Variants in IMMT observed in about 807,000 individuals in gnomAD.
IMMT encodes the protein inner membrane mitochondrial protein.
Under a neutral mutation model 92.7 loss-of-function variants are expected in IMMT, and 40 were observed. That is an observed-to-expected ratio of 0.43 (90% CI 0.34 to 0.56). The LOEUF (loss-of-function observed/expected upper bound fraction) is 0.56, where lower values mean the gene tolerates loss of function less well. Ranked by LOEUF, IMMT falls within the 20% of genes least tolerant of loss-of-function variation. IMMT has a pLI of 0.03. For missense variants in IMMT, 831 were observed against 912.1 expected (o/e 0.91, Z 1.14); for synonymous variants, 322 against 336.1 (o/e 0.96, Z 0.46).
chr2:86,156,746 C>T (rs1467137492), intron 10 of IMMT, among the ~76,000 whole-genome samples: 3 of 152,074 alleles, frequency 2.0e-5, no homozygotes, highest in Non-Finnish European at 2.9e-5. Flanking sequence ...AGGGTTGATG[C>T]TCGTATCTAA....
chr2:86,169,689 A>G (rs1421578479), intron 6 of IMMT, among the ~76,000 whole-genome samples: 2 of 152,040 alleles, frequency 1.3e-5, no homozygotes, highest in Admixed American at 1.3e-4. Flanking sequence ...AATATCTATT[A>G]TCTTTTTTAA....
intron 8 of IMMT, among the ~76,000 whole-genome samples, chr2:86,160,370 G>C (rs938855955): frequency 3.3e-5 from 5 of 152,178 alleles, no homozygotes; most frequent in Admixed American, 6.5e-5. Flanking sequence ...ATGAGAGAGA[G>C]CTAAGGCAGG....
chr2:86,150,240 G>A (rs1675366728), intron 12 of IMMT, among the ~76,000 whole-genome samples: 1 of 152,202 alleles, frequency 6.6e-6, no homozygotes, highest in South Asian at 2.1e-4. Context: ...TGAAGCCAAG[G>A]CAGAGGTCAG....
chr2:86,176,773 A>T (rs1365417439), intron 3 of IMMT, among the ~76,000 whole-genome samples: 2 of 152,222 alleles, frequency 1.3e-5, no homozygotes. Flanking sequence ...ATCTACAAAG[A>T]ATGAAATCTG....
intron 12 of IMMT, among the ~76,000 whole-genome samples, chr2:86,148,452 C>T (rs1230485625): frequency 3.4e-5 from 5 of 147,396 alleles, no homozygotes; most frequent in African/African-American, 7.5e-5. Flanking sequence ...ACTAAAAATA[C>T]AAAAAAAAAA....
At chr2:86,187,410 T>C (rs1573947986) in intron 1 of IMMT, among the ~76,000 whole-genome samples, 1 of 152,266 alleles carries the variant, frequency 6.6e-6, no homozygotes, top group East Asian at 1.9e-4. Flanking sequence ...TTCCTTTTTA[T>C]GGCTGAATCT....
At chr2:86,184,002 T>C (rs988710992) in intron 1 of IMMT, among the ~76,000 whole-genome samples, 1 of 152,194 alleles carries the variant, frequency 6.6e-6, no homozygotes, top group African/African-American at 2.4e-5. Flanking sequence ...TTCTTAAAAG[T>C]AAAATTTGCC....
intron 1 of IMMT, among the ~76,000 whole-genome samples, chr2:86,188,530 C>A (rs1304347703): frequency 6.6e-6 from 1 of 151,882 alleles, no homozygotes; most frequent in African/African-American, 2.4e-5. Flanking sequence ...CTCAAGCAAT[C>A]CTCCCACCTC....
intron 11 of IMMT, among the ~76,000 whole-genome samples, chr2:86,153,340 C>CACACA (rs1244774923): frequency 6.8e-6 from 1 of 148,146 alleles, no homozygotes; most frequent in Admixed American, 6.8e-5. Flanking sequence ...CACACACACA[C>CACACA]ACTTCACATC....
In IMMT at chr2:86,144,432, G is replaced by A. The variant is rs773899258; in HGVS notation, c.2113C>T (p.Leu705=). The A allele has an allele frequency of 1.2e-6, 2 of 1,613,976 alleles. No homozygotes were observed. The highest frequency in any genetic ancestry group is 2.2e-5 in the South Asian group (2 of 91,078). The change falls in exon 15 of 15, where the codon CTA becomes TTA. Residue 705 remains leucine, a synonymous_variant. Coordinates refer to ENST00000410111, the MANE Select transcript of IMMT (RefSeq NM_006839.3). The stretch of plus-strand genomic sequence containing the variant: ...AGCTGATTGACAAACTTTGCTGCTA[G>A]CTCCAGATCACCATGCTCAATGCAA... The part of the protein sequence containing the change: ...SYCIEHGDLE[L]AAKFVNQLKG...
At chr2:86,191,969 C>A (rs1201285300) in intron 1 of IMMT, among the ~76,000 whole-genome samples, 2 of 152,024 alleles carry the variant, frequency 1.3e-5, no homozygotes, top group African/African-American at 4.8e-5. Flanking sequence ...CTATGGCTCA[C>A]GCCTGTAATC....
Position 86,144,026 on chromosome 2 carries a change from C to G in IMMT, c.*242G>C. 1 of 569,698 alleles carries G rather than the reference C, an allele frequency of 1.8e-6. No individual in the cohort carries two copies. The highest frequency in any genetic ancestry group is 3.1e-6 in the Non-Finnish European group (1 of 320,652). 35.3% of individuals were successfully genotyped at this position (569,698 alleles called of 1,614,324 possible). On this transcript the variant is annotated 3_prime_UTR_variant, in exon 15 of 15. Coordinates refer to ENST00000410111, the MANE Select transcript of IMMT (RefSeq NM_006839.3). Reference sequence around the variant, plus strand: ...CATTATTTTGATTGGCCTCACAAGCCTCATCAGTAAAACCTGAAAAAACAG... The same window carrying G: ...CATTATTTTGATTGGCCTCACAAGCGTCATCAGTAAAACCTGAAAAAACAG...
intron 8 of IMMT, among the ~76,000 whole-genome samples, chr2:86,160,942 G>A (rs1676225339): frequency 6.6e-6 from 1 of 152,094 alleles, no homozygotes; most frequent in Non-Finnish European, 1.5e-5. Context: ...TTTTATGTAA[G>A]ATCCTTTATA....
intron 10 of IMMT, 188 bp downstream of exon 10, chr2:86,158,404 T>C: frequency 2.3e-6 from 1 of 437,762 alleles, no homozygotes; most frequent in Middle Eastern, 6.6e-4. Flanking sequence ...TCACCACAGC[T>C]AAAACTACAA....
At chr2:86,159,768 A>G (rs1056995915) in intron 8 of IMMT, 97 bp from the exon 9 acceptor site, 1 of 1,116,634 alleles carries the variant, frequency 9.0e-7, no homozygotes, top group Non-Finnish European at 1.2e-6. Context: ...AAAGTCTATG[A>G]AACAGGCTGG....
chr2:86,181,916 T>C (rs1573938973), intron 1 of IMMT, among the ~76,000 whole-genome samples: 1 of 152,360 alleles, frequency 6.6e-6, no homozygotes, highest in Admixed American at 6.5e-5. Flanking sequence ...TTTTGGTTTA[T>C]CTTAGCATAT....
chr2:86,178,327 A>AG (rs1364494321), intron 3 of IMMT, among the ~76,000 whole-genome samples: 1 of 146,014 alleles, frequency 6.8e-6, no homozygotes, highest in African/African-American at 2.6e-5. Context: ...CAAAAAAAAA[A>AG]AAAAGAAAAA....
chr2:86,175,162 T>TA (rs1396075339), intron 3 of IMMT, among the ~76,000 whole-genome samples: 2 of 152,154 alleles, frequency 1.3e-5, no homozygotes, highest in Non-Finnish European at 2.9e-5. Context: ...AGTAGCAGTA[T>TA]AAAAAAGTCT....
At chr2:86,185,044 C>T (rs1205041181) in intron 1 of IMMT, among the ~76,000 whole-genome samples, 1 of 151,880 alleles carries the variant, frequency 6.6e-6, no homozygotes, top group Non-Finnish European at 1.5e-5. Flanking sequence ...GAAAATTAGC[C>T]GGGCGTGGCA....
Sources: allele counts gnomAD v4.1 joint callset (sites outside exome capture counted in the v4.1 genomes callset), GRCh38; gene constraint gnomAD v4.1.1; transcripts MANE v1.5; gene names NCBI Gene and HGNC (gene_info 2026-07-23, HGNC 2026-07-21).